GNL3L: variants seen among roughly 807,000 people sequenced by gnomAD.
GNL3L encodes G protein nucleolar 3 like.
In GNL3L, 4 loss-of-function variants were observed where a neutral mutation model predicts 42.9. The observed-to-expected ratio is 0.09, with a 90% CI of 0.05 to 0.21. The LOEUF (loss-of-function observed/expected upper bound fraction) is 0.21, where lower values mean the gene tolerates loss of function less well. Among genes scored for constraint, GNL3L ranks in the 10% least tolerant of loss-of-function variants. GNL3L has a pLI of 1.00. For synonymous variants in GNL3L, 159 were observed against 176.3 expected, an observed-to-expected ratio of 0.90 and a Z score of 0.78; for missense variants, 412 against 481.7, an observed-to-expected ratio of 0.86 and a Z score of 1.36.
At chrX:54,644,363 A>G in the GNL3L span, among the ~76,000 whole-genome samples, 1 of 112,282 alleles carries the variant, frequency 8.9e-6, no homozygotes, top group Non-Finnish European at 1.9e-5. Context: ...ATTAAAAATG[A>G]TTCATCCATG....
At chrX:54,593,251 T>TTCA (rs1338100776) in intron 16 of GNL3L, among the ~76,000 whole-genome samples, 1 of 111,767 alleles carries the variant, frequency 8.9e-6, no homozygotes, top group African/African-American at 3.3e-5. Flanking sequence ...GCCTTCAGGT[T>TTCA]CTGGGCTTTT....
chrX:54,551,853 T>C lies in GNL3L; in HGVS notation c.1060T>C (p.Ser354Pro). The part of the protein sequence containing the change: ...LEEISNYYGV[S>P]GFQTTEHFLT... ...CCAGATTTCCAACTATTATGGCGTC[T>C]CTGGGTTCCAGACCACTGAGCACTT... is the stretch of plus-strand genomic sequence containing the variant. Residue 354 changes from serine (S) to proline (P), a missense_variant, in exon 12 of 16, where the codon TCT (serine) becomes CCT (proline). Physicochemically the swap from Ser to Pro is moderately conservative, Grantham distance 74 (BLOSUM62 -1). Coordinates refer to ENST00000360845, the MANE Select transcript of GNL3L (RefSeq NM_001184819.2). The C allele has an allele frequency of 3.3e-6, 4 of 1,211,798 alleles. No individual in the cohort carries two copies. The highest frequency in any genetic ancestry group is 4.5e-6 in the Non-Finnish European group (4 of 895,233).
At chrX:54,604,371 G>C (rs1181695659) in intron 16 of GNL3L, among the ~76,000 whole-genome samples, 1 of 111,746 alleles carries the variant, frequency 8.9e-6, no homozygotes, top group Non-Finnish European at 1.9e-5. Flanking sequence ...TAAACCAGAG[G>C]AAGAGCATAA....
Position 54,563,960 on chromosome X carries a change from T to C in GNL3L, c.*3358T>C, listed in dbSNP as rs1264811345. 9.0e-6 allele frequency among the ~76,000 whole-genome samples: 1 copy of C among 111,565 alleles called. No individual in the cohort carries two copies. The highest frequency in any genetic ancestry group is 3.7e-4 in the South Asian group (1 of 2,667). On this transcript the variant is annotated 3_prime_UTR_variant, in exon 16 of 16. Transcript: ENST00000360845. ...AGTTCACTCTTTATAGTTTTAGTTA[T>C]GTGAGTTTGTACAAACATATACAGG...
intron 16 of GNL3L, among the ~76,000 whole-genome samples, chrX:54,602,657 A>G (rs1926017197): frequency 9.0e-6 from 1 of 111,617 alleles, no homozygotes; most frequent in Non-Finnish European, 1.9e-5. Flanking sequence ...TGGAGACTCT[A>G]GAGACTTTTC....
chrX:54,608,214 T>G (rs1242929181), intron 16 of GNL3L, among the ~76,000 whole-genome samples: 1 of 111,514 alleles, frequency 9.0e-6, no homozygotes, highest in East Asian at 2.8e-4. Context: ...TACTTTTTCT[T>G]TTTTTTGCCT....
chrX:54,607,050 TTCTTTCTTTCTTTCTTTCTTTC>T (rs1569542588), intron 16 of GNL3L, among the ~76,000 whole-genome samples: 9 of 69,666 alleles, frequency 1.3e-4, no homozygotes, highest in African/African-American at 6.8e-4. Context: ...CTTTCTTTCT[TTCTTTCTTTCTTTCTTTCTTTC>T]TCTTTCTTTC....
chrX:54,577,242 T>C (rs1233597297), intron 16 of GNL3L, among the ~76,000 whole-genome samples: 1 of 112,350 alleles, frequency 8.9e-6, no homozygotes, highest in South Asian at 3.6e-4. Context: ...TTTCCTTCCA[T>C]TTAAGACTGA....
chrX:54,570,007 C>T (rs1925521180), downstream of GNL3L, among the ~76,000 whole-genome samples: 2 of 111,420 alleles, frequency 1.8e-5, no homozygotes, highest in African/African-American at 6.5e-5. Context: ...GTTTCATGTG[C>T]ACTTGAGAAG....
chrX:54,587,512 T>C (rs780295314), intron 16 of GNL3L, among the ~76,000 whole-genome samples: 1 of 111,367 alleles, frequency 9.0e-6, no homozygotes, highest in East Asian at 2.8e-4. Flanking sequence ...TTAAAAAAAC[T>C]ATAATAGGCC....
At chrX:54,573,024 G>A (rs1158577848) in intron 16 of GNL3L, among the ~76,000 whole-genome samples, 1 of 109,574 alleles carries the variant, frequency 9.1e-6, no homozygotes, top group East Asian at 3.0e-4. Context: ...TTTACAGATG[G>A]GATGGCGGCC....
chrX:54,624,264 A>C (rs1926325988), downstream of GNL3L, among the ~76,000 whole-genome samples: 1 of 103,043 alleles, frequency 9.7e-6, no homozygotes, highest in African/African-American at 4.2e-5. Context: ...GGATCATGTC[A>C]TCTGTGAATA....
intron 5 of GNL3L, among the ~76,000 whole-genome samples, chrX:54,542,102 A>G (rs777653822): frequency 8.9e-6 from 1 of 111,923 alleles, no homozygotes; most frequent in African/African-American, 3.2e-5. Context: ...TTTATTTTTT[A>G]AATTATTATT....
chrX:54,614,505 C>T (rs1168476893), intron 16 of GNL3L, among the ~76,000 whole-genome samples: 1 of 111,177 alleles, frequency 9.0e-6, no homozygotes, highest in East Asian at 2.8e-4. Flanking sequence ...GAGCTTTACC[C>T]CCTGCTCCTC....
At chrX:54,591,369 G>T (rs1364062073) in intron 16 of GNL3L, among the ~76,000 whole-genome samples, 1 of 109,987 alleles carries the variant, frequency 9.1e-6, no homozygotes, top group African/African-American at 3.3e-5. Context: ...AAGGCTGGCA[G>T]ATCACTTGAG....
chrX:54,570,765 C>T (rs1039611763), downstream of GNL3L, among the ~76,000 whole-genome samples: 9 of 110,685 alleles, frequency 8.1e-5, no homozygotes, highest in South Asian at 3.8e-4. Flanking sequence ...TGTTTAACTT[C>T]CTCCTCCTGG....
chrX:54,616,682 T>C (rs1475028419), intron 16 of GNL3L, among the ~76,000 whole-genome samples: 2 of 111,953 alleles, frequency 1.8e-5, no homozygotes, highest in Non-Finnish European at 3.8e-5. Context: ...ACACTGTGCA[T>C]TTTTCAGTTT....
rs186487277 is a variant in GNL3L at position 54,600,406 on chromosome X, A to G, written c.*46-20439A>G. On this transcript the variant is annotated intron_variant, in intron 16 of 16. Transcript: ENST00000674498. ...CATGCCCAGCTAATTTTGTATTTTT[A>G]GTAGAGAGAGGGTTTCTCCATGTTG... Among the ~76,000 whole-genome samples the G allele has an allele frequency of 2.4e-3, 259 of 106,305 alleles. 1 individual carries two copies. Among genetic ancestry groups the G allele is most frequent in the African/African-American group, 8.5e-3 (248 of 29,207 alleles). 92.3% of individuals were successfully genotyped at this position (106,305 alleles called of 115,157 possible).
chrX:54,605,423 C>G (rs566524965), intron 16 of GNL3L, among the ~76,000 whole-genome samples: 3 of 111,275 alleles, frequency 2.7e-5, no homozygotes, highest in African/African-American at 9.8e-5. Flanking sequence ...TAGCCTAGAT[C>G]CGAATTTCAC....
Sources: allele counts gnomAD v4.1 joint callset (sites outside exome capture counted in the v4.1 genomes callset), GRCh38; gene constraint gnomAD v4.1.1; transcripts MANE v1.5; gene names NCBI Gene and HGNC (gene_info 2026-07-23, HGNC 2026-07-21).